Variants in SLC44A3 observed in about 807,000 individuals in gnomAD.
SLC44A3 encodes choline transporter-like protein 3.
SLC44A3 carries 74 observed loss-of-function variants against 75.4 expected under a neutral mutation model. That is an observed-to-expected ratio of 0.98 (90% CI 0.81 to 1.19). SLC44A3 has a LOEUF of 1.19. SLC44A3 is among the 50% of genes most tolerant of loss of function. The pLI, the probability that SLC44A3 is intolerant of heterozygous loss-of-function variation, is 0.00. For missense variants in SLC44A3, 700 were observed against 778.6 expected (o/e 0.90, Z 1.20); for synonymous variants, 310 against 296.9 (o/e 1.04, Z -0.45).
intron 12 of SLC44A3, among the ~76,000 whole-genome samples, chr1:94,887,959 G>A (rs2101656929): frequency 6.6e-6 from 1 of 152,326 alleles, no homozygotes; most frequent in South Asian, 2.1e-4. Flanking sequence ...GTTCCCAGTT[G>A]TAAATGAGAT....
At chr1:94,869,906 A>G (rs17407776) in intron 12 of SLC44A3, among the ~76,000 whole-genome samples, 5,117 of 152,332 alleles carry the variant, frequency 0.034, 96 homozygotes, top group Non-Finnish European at 0.049. Flanking sequence ...GAGCTGGAAA[A>G]TACTAAAAGA....
intron 12 of SLC44A3, among the ~76,000 whole-genome samples, chr1:94,870,070 C>T (rs1479967191): frequency 6.6e-6 from 1 of 152,244 alleles, no homozygotes; most frequent in Non-Finnish European, 1.5e-5. Context: ...ATTTTGTGAA[C>T]ACCCAGCCTA....
At chr1:94,830,233 A>G (rs1016923668) in intron 5 of SLC44A3, among the ~76,000 whole-genome samples, 1 of 152,142 alleles carries the variant, frequency 6.6e-6, no homozygotes, top group Non-Finnish European at 1.5e-5. Flanking sequence ...TTTTTTTGAG[A>G]CAGAGTCTTG....
intron 12 of SLC44A3, 127 bp downstream of exon 12, chr1:94,867,544 C>A: frequency 1.7e-6 from 1 of 588,606 alleles, no homozygotes; most frequent in Non-Finnish European, 2.7e-6. Context: ...GGCTTTCAGA[C>A]CAGTCTCTCT....
intron 12 of SLC44A3, among the ~76,000 whole-genome samples, chr1:94,873,512 C>CCT (rs1667976988): frequency 6.6e-6 from 1 of 152,122 alleles, no homozygotes. Flanking sequence ...CCTCATAGTG[C>CCT]CTCTCCCCAA....
Position 94,845,367 on chromosome 1 carries a change from T to G in SLC44A3, c.975T>G (p.Ser325Arg), listed in dbSNP as rs751274897. ...LFQITNKAIS[S>R]APFLLFQPLW... ...AAATCACAAATAAAGCCATCAGCAG[T>G]GCTCCCTTCCTGCTGTTCCAGCCAC... The change falls in exon 9 of 15, where the codon AGT (serine) becomes AGG (arginine). Residue 325 changes from serine to arginine, a missense_variant. Coordinates refer to ENST00000271227, the MANE Select transcript of SLC44A3 (RefSeq NM_001114106.3). 52 of 1,614,058 alleles carry G rather than the reference T, an allele frequency of 3.2e-5. No homozygotes were observed. Among genetic ancestry groups the G allele is most frequent in the Non-Finnish European group, 3.9e-5 (46 of 1,180,008 alleles).
At chr1:94,882,869 T>C (rs151233987) in intron 12 of SLC44A3, among the ~76,000 whole-genome samples, 1 of 150,202 alleles carries the variant, frequency 6.7e-6, no homozygotes, top group Admixed American at 6.7e-5. Context: ...CAATTCCTCA[T>C]TGGTGAAATA....
chr1:94,856,199 C>T (rs959383677), intron 9 of SLC44A3, among the ~76,000 whole-genome samples: 5 of 152,148 alleles, frequency 3.3e-5, no homozygotes, highest in African/African-American at 1.2e-4. Context: ...ACCATTATCA[C>T]TTATGGCGCG....
intron 13 of SLC44A3, 93 bp from the exon 14 acceptor site, chr1:94,892,188 A>C: frequency 8.6e-7 from 1 of 1,157,158 alleles, no homozygotes; most frequent in South Asian, 1.4e-5. Context: ...CACGTTGCAC[A>C]CAGGAACGTA....
At chr1:94,843,886 G>T (rs1195303585) in intron 8 of SLC44A3, among the ~76,000 whole-genome samples, 1 of 144,576 alleles carries the variant, frequency 6.9e-6, no homozygotes, top group East Asian at 2.2e-4. Context: ...GGTGGGGGGG[G>T]TGGTCAGGGA....
At position 94,878,258 on chromosome 1, in the gene SLC44A3, AAC is replaced by A. The variant is rs1216718303; in HGVS notation, c.1482+10843_1482+10844del. On this transcript the variant is annotated intron_variant, in intron 12 of 14. Transcript: ENST00000271227. ...ACAAAAAAACCAAAACAAACAAACA[AAC>A]AAAAAAAAAACAGAGAAACTTGGTT... Among the ~76,000 whole-genome samples, 3 of 139,810 alleles carry A rather than the reference AAC, an allele frequency of 2.1e-5. 1 individual carries two copies. The highest frequency in any genetic ancestry group is 4.7e-5 in the Non-Finnish European group (3 of 64,000). 91.7% of individuals were successfully genotyped at this position (139,810 alleles called of 152,430 possible).
At chr1:94,846,269 C>T (rs910360551) in intron 9 of SLC44A3, among the ~76,000 whole-genome samples, 2 of 152,094 alleles carry the variant, frequency 1.3e-5, no homozygotes, top group African/African-American at 4.8e-5. Flanking sequence ...TTCATATCCA[C>T]ACAGTGGTTC....
intron 2 of SLC44A3, among the ~76,000 whole-genome samples, chr1:94,823,138 A>G (rs1281305387): frequency 6.6e-6 from 1 of 152,194 alleles, no homozygotes; most frequent in East Asian, 1.9e-4. Flanking sequence ...ATGATGGTAA[A>G]TGGAAAACAT....
chr1:94,857,336 A>G lies in SLC44A3; in HGVS notation c.1074A>G (p.Gly358=). The part of the protein sequence containing the change: ...VAVLLSLGTA[G]AAQVMEGGQV... ...GCATGTTTGTGTTTGAAACTTTAGG[A>G]GCTGCCCAGGTTATGGAAGGCGGCC... Residue 358 remains glycine (G), a splice_region_variant and synonymous_variant, in exon 10 of 15, where the codon GGA becomes GGG. Transcript: ENST00000271227. 1 of 1,601,778 alleles carries G rather than the reference A, an allele frequency of 6.2e-7. No homozygotes were observed. The highest frequency in any genetic ancestry group is 8.5e-7 in the Non-Finnish European group (1 of 1,175,622).
intron 9 of SLC44A3, among the ~76,000 whole-genome samples, chr1:94,851,873 G>A (rs1665255184): frequency 6.6e-6 from 1 of 152,230 alleles, no homozygotes; most frequent in South Asian, 2.1e-4. Flanking sequence ...ATCCTGACCA[G>A]CTGGACTGCC....
At chr1:94,883,565 A>G (rs1242433166) in intron 12 of SLC44A3, among the ~76,000 whole-genome samples, 1 of 152,216 alleles carries the variant, frequency 6.6e-6, no homozygotes, top group Non-Finnish European at 1.5e-5. Context: ...CAAAGAGGCT[A>G]TAAGTGTTCA....
intron 9 of SLC44A3, among the ~76,000 whole-genome samples, chr1:94,854,208 T>C (rs1227442272): frequency 6.6e-6 from 1 of 152,242 alleles, no homozygotes; most frequent in Non-Finnish European, 1.5e-5. Context: ...TCCCACTATT[T>C]GCAGGAGGTT....
Position 94,854,875 on chromosome 1 carries a change from A to ACAGCCC in SLC44A3, c.1073-2437_1073-2432dup, listed in dbSNP as rs373161141. On this transcript the variant is annotated intron_variant, in intron 9 of 14. Transcript: ENST00000271227. ...TTGCTAACACCCTCCAGTGCGCAGG[A>ACAGCCC]CAGCCCCAGCCCCAGCCCCAGCCCC... is the stretch of plus-strand genomic sequence containing the variant. 6.4e-3 allele frequency among the ~76,000 whole-genome samples: 966 copies of ACAGCCC among 152,018 alleles called. 15 individuals carry two copies. The highest frequency in any genetic ancestry group is 0.022 in the African/African-American group (900 of 41,400).
intron 12 of SLC44A3, among the ~76,000 whole-genome samples, chr1:94,884,649 G>A (rs200869861): frequency 3.9e-5 from 6 of 152,078 alleles, no homozygotes; most frequent in Non-Finnish European, 5.9e-5. Flanking sequence ...CCTCCACTAC[G>A]GAGGGAAACT....
Sources: allele counts gnomAD v4.1 joint callset (sites outside exome capture counted in the v4.1 genomes callset), GRCh38; gene constraint gnomAD v4.1.1; transcripts MANE v1.5; gene names NCBI Gene and HGNC (gene_info 2026-07-23, HGNC 2026-07-21).